CYB5R2: variants seen among roughly 807,000 people sequenced by gnomAD.
CYB5R2 encodes NADH-cytochrome b5 reductase 2.
In CYB5R2, 35 loss-of-function variants were observed where a neutral mutation model predicts 29.8. The observed-to-expected ratio is 1.17, with a 90% CI of 0.90 to 1.56. The LOEUF is 1.56. Ranked by LOEUF, CYB5R2 falls within the 40% of genes most tolerant of loss-of-function variation. CYB5R2 has a pLI of 0.00. For synonymous variants in CYB5R2, 169 were observed against 130.6 expected, an observed-to-expected ratio of 1.29 and a Z score of -2.01; for missense variants, 419 against 346.7, an observed-to-expected ratio of 1.21 and a Z score of -1.66.
Position 7,668,780 on chromosome 11 carries a change from C to T in CYB5R2, c.389-219G>A, listed in dbSNP as rs370324831. ...AGCCTGGGCTTGGTCGGGGAATCGC[C>T]GGGCCTTCTGTTCTGAGGAAAAAGA... On this transcript the variant is annotated intron_variant, in intron 5 of 8. Coordinates refer to ENST00000299498, the MANE Select transcript of CYB5R2 (RefSeq NM_016229.5). 149 of 605,526 alleles carry T rather than the reference C, an allele frequency of 2.5e-4. 1 individual carries two copies. Among genetic ancestry groups the T allele is most frequent in the South Asian group, 1.0e-3 (52 of 51,022 alleles). The allele number at this position is 605,526 out of a possible 1,614,324, so 37.5% of individuals were successfully genotyped here. A position where few individuals can be genotyped will look rare whatever the true frequency, so the allele number is the denominator to read the frequency against.
rs753910440 is a variant in CYB5R2 at position 7,667,830 on chromosome 11, G to A, written c.473-17C>T. ...GTGTGATGCCTGGAACACAGTGAGC[G>A]AGCAGCCAGCTTTCTCCCTGTCTCT... On this transcript the variant is annotated splice_polypyrimidine_tract_variant and intron_variant, in intron 6 of 8. Coordinates refer to ENST00000299498, the MANE Select transcript of CYB5R2 (RefSeq NM_016229.5). 41 of 1,608,740 alleles carry A rather than the reference G, an allele frequency of 2.5e-5. No homozygotes were observed. Among genetic ancestry groups the A allele is most frequent in the East Asian group, 8.9e-5 (4 of 44,868 alleles).
In CYB5R2 at chr11:7,672,479, C is replaced by T. The variant is rs572529720; in HGVS notation, c.123G>A (p.Ser41=). The T allele has an allele frequency of 4.3e-6, 7 of 1,614,212 alleles. No individual in the cohort carries two copies. The South Asian group carries it at 5.5e-5, about 13-fold the overall frequency. The part of the protein sequence containing the change: ...NTRRFRFGLP[S]PDHVLGLPVG... The stretch of plus-strand genomic sequence containing the variant: ...CAGGAAGCCCTAAGACATGGTCCGG[C>T]GAAGGCAGTCCAAAGCGGAACCTCC... The change falls in exon 3 of 9, where the codon TCG becomes TCA. Residue 41 remains serine, a synonymous_variant. Coordinates refer to ENST00000299498, the MANE Select transcript of CYB5R2 (RefSeq NM_016229.5).
Position 7,666,486 on chromosome 11 carries a change from A to G in CYB5R2, c.623T>C (p.Phe208Ser). The G allele has an allele frequency of 6.2e-7, 1 of 1,613,466 alleles. No individual in the cohort carries two copies. Among genetic ancestry groups the G allele is most frequent in the Non-Finnish European group, 8.5e-7 (1 of 1,179,538 alleles). ...CCTGTCCAGGGTGTACCACAGGTTG[A>G]ACTGGTCTGGGTGAGTCCTGGCAAT... ...EEIARTHPDQ[F>S]NLWYTLDRPP... The change falls in exon 8 of 9, where the codon TTC becomes TCC. Residue 208 changes from phenylalanine (F) to serine (S), a missense_variant. Physicochemically the swap from Phe to Ser is radical, Grantham distance 155. Coordinates refer to ENST00000299498, the MANE Select transcript of CYB5R2 (RefSeq NM_016229.5).
intron 3 of CYB5R2, chr11:7,670,459 A>G (rs1185980726): frequency 1.3e-5 from 2 of 152,374 alleles, no homozygotes; most frequent in African/African-American, 2.4e-5. Flanking sequence ...AGATCTGTGA[A>G]TAAATTACAA....
In CYB5R2 at chr11:7,672,888, G is replaced by A; in HGVS notation, c.-63C>T. 6.2e-7 allele frequency: 1 copy of A among 1,611,980 alleles called. No homozygotes were observed. The highest frequency in any genetic ancestry group is 1.1e-5 in the South Asian group (1 of 90,628). On this transcript the variant is annotated 5_prime_UTR_variant, in exon 2 of 9. Coordinates refer to ENST00000299498, the MANE Select transcript of CYB5R2 (RefSeq NM_016229.5). ...ACGGTGATGGTCAGGAGCAGGGACG[G>A]GTCCTGGCAGACACAATGTGAACAG...
intron 3 of CYB5R2, 144 bp downstream of exon 3, chr11:7,672,307 T>C (rs1590884661): frequency 3.0e-6 from 2 of 657,164 alleles, no homozygotes; most frequent in East Asian, 5.5e-5. Flanking sequence ...CATCCCCCTA[T>C]CTATCTCCCT....
Position 7,672,841 on chromosome 11 carries a change from C to T in CYB5R2, c.-16G>A. 6.2e-7 allele frequency: 1 copy of T among 1,614,128 alleles called. No homozygotes were observed. Among genetic ancestry groups the T allele is most frequent in the African/African-American group, 1.3e-5 (1 of 75,046 alleles). ...TGGAGTTCATGCTCTTCAGGACCAA[C>T]ACGAGCACAGTGACCCCAGTGACGG... is the stretch of plus-strand genomic sequence containing the variant. On this transcript the variant is annotated 5_prime_UTR_variant, in exon 2 of 9. Transcript: ENST00000299498.
intron 3 of CYB5R2, chr11:7,672,030 TTGTAGTTTC>T (rs1454709037): frequency 3.0e-5 from 5 of 167,898 alleles, no homozygotes; most frequent in African/African-American, 1.2e-4. Flanking sequence ...GCACAATACT[TTGTAGTTTC>T]TGAATTTTCA....
intron 1 of CYB5R2, 42 bp downstream of exon 1, chr11:7,673,377 C>G (rs1165830545): frequency 5.0e-6 from 5 of 999,666 alleles, no homozygotes; most frequent in Non-Finnish European, 6.0e-6. Flanking sequence ...CCTGGGCACT[C>G]AACTGCCAGA....
chr11:7,665,591 G>A (rs1479449952), intron 8 of CYB5R2, 45 bp from the exon 9 acceptor site: 1 of 1,550,544 alleles, frequency 6.4e-7, no homozygotes, highest in Non-Finnish European at 8.7e-7. Flanking sequence ...ATGCCAGGTG[G>A]AGTTCCTGAT....
At chr11:7,667,346 C>CATAT (rs1054442169) in intron 7 of CYB5R2, 1 of 142,200 alleles carries the variant, frequency 7.0e-6, no homozygotes, top group Non-Finnish European at 1.5e-5. Flanking sequence ...AAAAAAAAAG[C>CATAT]ATATATAAAT....
At chr11:7,665,975 A>G (rs1336586720) in intron 8 of CYB5R2, 1 of 1,467,820 alleles carries the variant, frequency 6.8e-7, no homozygotes, top group Non-Finnish European at 9.2e-7. Context: ...GAGCAGTGTG[A>G]GAGGCGCGCC....
intron 1 of CYB5R2, chr11:7,673,174 T>C (rs556906765): frequency 2.1e-4 from 87 of 407,940 alleles, no homozygotes; most frequent in Non-Finnish European, 3.5e-4. Context: ...AGGCCCCTCC[T>C]GGCTACAGCC....
In CYB5R2 at chr11:7,665,508, TC is replaced by T. The variant is rs544785244; in HGVS notation, c.696del (p.Met232IlefsTer23). ...GCTGGAGGAGGAAGGTGCTCCTTGA[TC>T]ATGTCGGCAGTAACGAAGCCTGAGC... ...KYSSGFVTAD[M>X]IKEHLPPPAK... On this transcript the variant is annotated frameshift_variant, in exon 9 of 9. Coordinates refer to ENST00000299498, the MANE Select transcript of CYB5R2 (RefSeq NM_016229.5). LOFTEE classifies it high-confidence loss of function. The T allele has an allele frequency of 5.3e-5, 85 of 1,613,260 alleles. No individual in the cohort carries two copies. The highest frequency in any genetic ancestry group is 6.9e-5 in the Non-Finnish European group (81 of 1,179,708).
intron 2 of CYB5R2, 110 bp from the exon 3 acceptor site, chr11:7,672,633 C>G: frequency 6.7e-7 from 1 of 1,496,906 alleles, no homozygotes; most frequent in South Asian, 1.2e-5. Flanking sequence ...CACACACACA[C>G]ACACACACAG....
intron 1 of CYB5R2, 156 bp from the exon 2 acceptor site, chr11:7,673,047 C>G (rs1855857235): frequency 2.9e-6 from 2 of 695,440 alleles, no homozygotes; most frequent in Non-Finnish European, 4.7e-6. Flanking sequence ...CAGAAGGCGG[C>G]TGGGAGAGCC....
intron 7 of CYB5R2, chr11:7,667,516 T>G: frequency 3.8e-6 from 2 of 528,504 alleles, no homozygotes; most frequent in Non-Finnish European, 6.7e-6. Flanking sequence ...TGCTTAGGGC[T>G]GGCTGAGGAG....
upstream of CYB5R2, chr11:7,673,945 C>G (rs1462591244): frequency 9.0e-6 from 9 of 1,002,950 alleles, no homozygotes; most frequent in African/African-American, 1.7e-5. Context: ...GGGGGGCTCT[C>G]ACTCACGAGC....
intron 1 of CYB5R2, 25 bp from the exon 2 acceptor site, chr11:7,672,916 C>T (rs1444312847): frequency 6.3e-7 from 1 of 1,598,158 alleles, no homozygotes; most frequent in Non-Finnish European, 8.5e-7. Context: ...GTGAACAGAG[C>T]ACCTCAGGTC....
Sources: allele counts gnomAD v4.1 joint callset, GRCh38; gene constraint gnomAD v4.1.1; transcripts MANE v1.5; gene names NCBI Gene and HGNC (gene_info 2026-07-23, HGNC 2026-07-21).